The following PPP1R1C variants were observed in gnomAD, a reference collection of about 807,000 sequenced individuals.
PPP1R1C encodes the protein protein phosphatase 1 regulatory subunit 1C.
In PPP1R1C, 15 loss-of-function variants were observed where a neutral mutation model predicts 17.4. That is an observed-to-expected ratio of 0.86 (90% CI 0.58 to 1.33). PPP1R1C has a LOEUF of 1.33. Among genes scored for constraint, PPP1R1C ranks in the 40% most tolerant of loss-of-function variants. The pLI is 0.00. For missense variants in PPP1R1C, 143 were observed against 130.0 expected, an observed-to-expected ratio of 1.10 and a Z score of -0.48; for synonymous variants, 35 against 43.1, an observed-to-expected ratio of 0.81 and a Z score of 0.73.
At chr2:182,041,941 A>G (rs893736114) in intron 2 of PPP1R1C, among the ~76,000 whole-genome samples, 3 of 152,136 alleles carry the variant, frequency 2.0e-5, no homozygotes, top group East Asian at 1.9e-4. Context: ...ATATGTGGTT[A>G]TTTCGTATAT....
At position 181,967,365 on chromosome 2, in the gene PPP1R1C, A is replaced by C. The variant is rs1447619958; in HGVS notation, n.112-7854A>C. ...GGGTTTGGTTTGCTCTTGATTTTCT[A>C]CATCTTTAACAGGCATTGTAAGGTT... is the stretch of plus-strand genomic sequence containing the variant. On this transcript the variant is annotated intron_variant and non_coding_transcript_variant, in intron 1 of 5. Transcript: ENST00000464264. This position sits in a 1 kb window ranked among gnomAD's most constrained non-coding sequence, Gnocchi z 5.5. Among the ~76,000 whole-genome samples, 1 of 151,732 alleles carries C rather than the reference A, an allele frequency of 6.6e-6. No individual in the cohort carries two copies. Among genetic ancestry groups the C allele is most frequent in the Non-Finnish European group, 1.5e-5 (1 of 67,950 alleles).
chr2:182,126,412 A>G (rs574712538), intron 5 of PPP1R1C, among the ~76,000 whole-genome samples: 117 of 152,204 alleles, frequency 7.7e-4, no homozygotes, highest in African/African-American at 2.3e-3. Context: ...AGAAATGTCT[A>G]TGTTGCTGAA....
Position 182,117,533 on chromosome 2 carries a change from T to C in PPP1R1C, c.*238T>C, listed in dbSNP as rs1215012484. 1 of 389,168 alleles carries C rather than the reference T, an allele frequency of 2.6e-6. No homozygotes were observed. The highest frequency in any genetic ancestry group is 2.1e-5 in the African/African-American group (1 of 47,316). 24.1% of individuals were successfully genotyped at this position (389,168 alleles called of 1,614,324 possible). A position where few individuals can be genotyped will look rare whatever the true frequency, so the allele number is the denominator to read the frequency against. ...CATTTATTTTACAGTGATTCTTCTTTTTAACTATGTAAAAATTTGCATACA... is the reference window on the plus strand; with the variant it reads ...CATTTATTTTACAGTGATTCTTCTTCTTAACTATGTAAAAATTTGCATACA... On this transcript the variant is annotated 3_prime_UTR_variant, in exon 5 of 5. Coordinates refer to ENST00000682840, the MANE Select transcript of PPP1R1C (RefSeq NM_001080545.3).
At chr2:182,018,499 A>C (rs1686323817) in intron 2 of PPP1R1C, among the ~76,000 whole-genome samples, 1 of 152,170 alleles carries the variant, frequency 6.6e-6, no homozygotes, top group South Asian at 2.1e-4. Flanking sequence ...AAAATCATGG[A>C]GGGAGACCTT....
intron 4 of PPP1R1C, among the ~76,000 whole-genome samples, chr2:182,088,704 A>T (rs1688700034): frequency 6.6e-6 from 1 of 152,194 alleles, no homozygotes; most frequent in Non-Finnish European, 1.5e-5. Flanking sequence ...TCGGTATTCC[A>T]ACTACACTGA....
At chr2:182,105,324 G>A (rs1689211363) in intron 4 of PPP1R1C, among the ~76,000 whole-genome samples, 1 of 152,170 alleles carries the variant, frequency 6.6e-6, no homozygotes, top group South Asian at 2.1e-4. Flanking sequence ...AAATGTTGAA[G>A]CCCACTTAAA....
intron 2 of PPP1R1C, among the ~76,000 whole-genome samples, chr2:182,053,365 T>G (rs566503612): frequency 6.6e-6 from 1 of 152,354 alleles, no homozygotes; most frequent in South Asian, 2.1e-4. Flanking sequence ...TAAGTTGATC[T>G]TATTCATTGA....
chr2:182,000,781 T>C (rs1685738988), intron 2 of PPP1R1C, among the ~76,000 whole-genome samples: 1 of 152,218 alleles, frequency 6.6e-6, no homozygotes, highest in Non-Finnish European at 1.5e-5. Flanking sequence ...TTGGATCTAT[T>C]AATACATTTG....
chr2:182,068,248 G>A (rs1688044735), intron 4 of PPP1R1C, among the ~76,000 whole-genome samples: 1 of 152,124 alleles, frequency 6.6e-6, no homozygotes. Flanking sequence ...GGGACTGAAT[G>A]AAACAAAATG....
At chr2:182,086,766 T>C (rs1399917867) in intron 4 of PPP1R1C, among the ~76,000 whole-genome samples, 1 of 152,070 alleles carries the variant, frequency 6.6e-6, no homozygotes, top group Non-Finnish European at 1.5e-5. Context: ...CATATATGTA[T>C]CCCTGATATG....
intron 4 of PPP1R1C, among the ~76,000 whole-genome samples, chr2:182,102,275 G>A (rs916467325): frequency 2.6e-5 from 4 of 152,046 alleles, no homozygotes; most frequent in Non-Finnish European, 4.4e-5. Flanking sequence ...CTAATTTATG[G>A]CCACTTTTGT....
rs532588482 is a variant in PPP1R1C, at chr2:182,015,078, G to A, written c.142+27179G>A. ...ACTGGTACCCAAGCTGCAAGACAAA[G>A]TCCCCTTTAGTCTTCCCTCTCCTTT... is the stretch of plus-strand genomic sequence containing the variant. On this transcript the variant is annotated intron_variant, in intron 2 of 4. Coordinates refer to ENST00000682840, the MANE Select transcript of PPP1R1C (RefSeq NM_001080545.3). Among the ~76,000 whole-genome samples, 49 of 152,138 alleles carry A rather than the reference G, an allele frequency of 3.2e-4. 1 individual carries two copies. Among genetic ancestry groups the A allele is most frequent in the Non-Finnish European group, 6.2e-4 (42 of 68,034 alleles).
At chr2:182,009,863 T>A (rs748426442) in intron 2 of PPP1R1C, among the ~76,000 whole-genome samples, 4 of 152,042 alleles carry the variant, frequency 2.6e-5, no homozygotes, top group Non-Finnish European at 5.9e-5. Flanking sequence ...TTTCCAGAAC[T>A]AATTTATTAA....
In PPP1R1C at chr2:182,078,362, T is replaced by G. The variant is rs80143979; in HGVS notation, c.241+14571T>G. Among the ~76,000 whole-genome samples the G allele has an allele frequency of 3.3e-3, 502 of 152,278 alleles. 23 individuals carry two copies. The East Asian group carries it at 0.078, about 24-fold the overall frequency. The stretch of plus-strand genomic sequence containing the variant: ...TTTGCAGTAAAAAGCAGGCTCTAGA[T>G]AGAGTAGGCAGGTATTTTTTTCAGG... On this transcript the variant is annotated intron_variant, in intron 4 of 4. Coordinates refer to ENST00000682840, the MANE Select transcript of PPP1R1C (RefSeq NM_001080545.3).
At chr2:182,020,647 C>T (rs1343659822) in intron 2 of PPP1R1C, among the ~76,000 whole-genome samples, 1 of 152,164 alleles carries the variant, frequency 6.6e-6, no homozygotes, top group Admixed American at 6.5e-5. Context: ...GGTTTAAAGT[C>T]CTATCCTTTC....
intron 4 of PPP1R1C, among the ~76,000 whole-genome samples, chr2:182,111,555 G>A (rs151217610): frequency 0.016 from 2,393 of 152,190 alleles, 36 homozygotes; most frequent in South Asian, 0.056. Flanking sequence ...CCTTCAGGAT[G>A]TTAATGTATA....
intron 4 of PPP1R1C, among the ~76,000 whole-genome samples, chr2:182,098,423 C>T (rs1239769872): frequency 2.0e-5 from 3 of 152,070 alleles, no homozygotes; most frequent in Non-Finnish European, 4.4e-5. Context: ...AACAAAAAGG[C>T]ACAAGCTATT....
chr2:182,113,659 C>T (rs547172708), intron 4 of PPP1R1C, among the ~76,000 whole-genome samples: 1 of 151,942 alleles, frequency 6.6e-6, no homozygotes, highest in South Asian at 2.1e-4. Flanking sequence ...TAAGGTTGCC[C>T]TTATACTCTT....
rs545066837 is a variant in PPP1R1C, at chr2:182,058,221, C to G, written c.143-3221C>G. Among the ~76,000 whole-genome samples, 9 of 152,170 alleles carry G rather than the reference C, an allele frequency of 5.9e-5. No homozygotes were observed. In the East Asian group the frequency reaches 1.5e-3, roughly 26 times the overall value. ...GCTCCTCTTGGCTATGACAGTCTCT[C>G]AGACTTTTCTTGTTTTTCATGACCT... On this transcript the variant is annotated intron_variant, in intron 2 of 4. Coordinates refer to ENST00000682840, the MANE Select transcript of PPP1R1C (RefSeq NM_001080545.3).
Sources: gnomAD v4.1 joint callset for allele counts (sites outside exome capture counted in the v4.1 genomes callset) on GRCh38, gnomAD v4.1.1 for gene constraint, Gnocchi (gnomAD v3.1) non-coding constraint, MANE v1.5 for transcripts, NCBI Gene and HGNC (gene_info 2026-07-23, HGNC 2026-07-21) for gene names.